XPNPEP1: variants seen among roughly 807,000 people sequenced by gnomAD.
The protein encoded by XPNPEP1 is X-prolyl aminopeptidase 1.
A neutral mutation model predicts 92.4 loss-of-function variants in XPNPEP1; 39 were observed. That is an observed-to-expected ratio of 0.42 (90% CI 0.33 to 0.55). The LOEUF (loss-of-function observed/expected upper bound fraction) is 0.55. XPNPEP1 is among the 20% of genes least tolerant of loss of function. XPNPEP1 has a pLI of 0.08. For synonymous variants in XPNPEP1, 307 were observed against 299.4 expected (o/e 1.03, Z -0.26); for missense variants, 654 against 856.1 (o/e 0.76, Z 2.95).
In XPNPEP1 at chr10:109,890,589, TGTGTGAGAGA is replaced by T. The variant is rs1359241183; in HGVS notation, c.415+1123_415+1132del. Among the ~76,000 whole-genome samples the T allele has an allele frequency of 5.4e-4, 49 of 90,984 alleles. No homozygotes were observed. In the South Asian group the frequency reaches 8.1e-3, roughly 15 times the overall value. 59.7% of individuals were successfully genotyped at this position (90,984 alleles called of 152,430 possible). The stretch of plus-strand genomic sequence containing the variant: ...GTGTGTGTGTGTGTGTGTGTGTGTG[TGTGTGAGAGA>T]GAGAGAGAGAGAGAGAGAGAGAGAG... On this transcript the variant is annotated intron_variant, in intron 5 of 20. Transcript: ENST00000502935.
intron 3 of XPNPEP1, among the ~76,000 whole-genome samples, chr10:109,905,523 G>C (rs1849513756): frequency 6.6e-6 from 1 of 152,082 alleles, no homozygotes; most frequent in Non-Finnish European, 1.5e-5. Flanking sequence ...AAATCTTAGA[G>C]AGAGAAAGTA....
chr10:109,923,089 G>A, intron 1 of XPNPEP1: 1 of 911,016 alleles, frequency 1.1e-6, no homozygotes, highest in Non-Finnish European at 1.3e-6. Flanking sequence ...GGGCCTTCCC[G>A]CGGGCCAGGA....
intron 1 of XPNPEP1, 56 bp downstream of exon 1, chr10:109,923,346 C>T: frequency 1.4e-6 from 2 of 1,394,256 alleles, no homozygotes; most frequent in African/African-American, 1.5e-5. Context: ...CACGCGCGGC[C>T]GCGCAGCGAG....
At chr10:109,886,743 GA>G (rs1416592625) in intron 7 of XPNPEP1, among the ~76,000 whole-genome samples, 9 of 152,228 alleles carry the variant, frequency 5.9e-5, no homozygotes, top group Non-Finnish European at 1.2e-4. Context: ...TGTAAATACT[GA>G]TGCAACAGGG....
intron 2 of XPNPEP1, among the ~76,000 whole-genome samples, chr10:109,908,223 T>A (rs1267027618): frequency 6.6e-6 from 1 of 152,236 alleles, no homozygotes; most frequent in African/African-American, 2.4e-5. Flanking sequence ...TGTGTACTCA[T>A]TAAAAATTAC....
intron 3 of XPNPEP1, among the ~76,000 whole-genome samples, chr10:109,901,834 C>A (rs150180111): frequency 8.7e-4 from 132 of 152,304 alleles, no homozygotes; most frequent in African/African-American, 3.0e-3. Context: ...GAAAATTTCA[C>A]ATTCAAATTG....
At chr10:109,875,646 T>A (rs1189012432) in intron 14 of XPNPEP1, 47 bp from the exon 15 acceptor site, 1 of 1,559,284 alleles carries the variant, frequency 6.4e-7, no homozygotes, top group Admixed American at 1.7e-5. Context: ...TGTAAACACT[T>A]AGTGAATCTG....
chr10:109,923,500 G>C lies in XPNPEP1; in HGVS notation c.-67C>G. ...CCAGCTGATCACCCGCGGAAGGGCCGGCGCGAAGGAGGCGCGAGAGCCGGC... is the reference window on the plus strand; with the variant it reads ...CCAGCTGATCACCCGCGGAAGGGCCCGCGCGAAGGAGGCGCGAGAGCCGGC... On this transcript the variant is annotated 5_prime_UTR_variant, in exon 1 of 21. Coordinates refer to ENST00000502935, the MANE Select transcript of XPNPEP1 (RefSeq NM_020383.4). 1.6e-6 allele frequency: 2 copies of C among 1,272,986 alleles called. No individual in the cohort carries two copies. Among genetic ancestry groups the C allele is most frequent in the Non-Finnish European group, 2.0e-6 (2 of 1,003,554 alleles). 78.9% of individuals were successfully genotyped at this position (1,272,986 alleles called of 1,614,324 possible).
chr10:109,913,207 C>G (rs1849976164), intron 2 of XPNPEP1, among the ~76,000 whole-genome samples: 1 of 152,230 alleles, frequency 6.6e-6, no homozygotes, highest in Non-Finnish European at 1.5e-5. Context: ...CAGCCTTTAT[C>G]ACAAACAAGA....
At position 109,871,705 on chromosome 10, in the gene XPNPEP1, A is replaced by AACG. The variant is rs1473661244; in HGVS notation, c.1522+84_1522+86dup. On this transcript the variant is annotated intron_variant, in intron 17 of 20. Coordinates refer to ENST00000502935, the MANE Select transcript of XPNPEP1 (RefSeq NM_020383.4). ...TGGGATGGGGACCTCACAGTGAAGG[A>AACG]ACGACATGTTCTTTCACTCAAACAT... The AACG allele has an allele frequency of 8.8e-6, 13 of 1,477,656 alleles. No individual in the cohort carries two copies. In the Admixed American group the frequency reaches 1.5e-4, roughly 17 times the overall value. 91.5% of individuals were successfully genotyped at this position (1,477,656 alleles called of 1,614,324 possible).
At chr10:109,874,981 C>A (rs1250282454) in intron 15 of XPNPEP1, among the ~76,000 whole-genome samples, 1 of 152,166 alleles carries the variant, frequency 6.6e-6, no homozygotes, top group Non-Finnish European at 1.5e-5. Context: ...CCTCTTAATG[C>A]AGACAGGGTC....
At chr10:109,871,221 G>C (rs1054512426) in intron 17 of XPNPEP1, among the ~76,000 whole-genome samples, 1 of 152,036 alleles carries the variant, frequency 6.6e-6, no homozygotes, top group Admixed American at 6.6e-5. Flanking sequence ...TTACAAAGAT[G>C]AGACTCTAAC....
At chr10:109,888,337 C>T in intron 6 of XPNPEP1, 145 bp from the exon 7 acceptor site, 2 of 1,306,178 alleles carry the variant, frequency 1.5e-6, no homozygotes, top group South Asian at 1.5e-5. Context: ...ACTGTAAAAG[C>T]ACATCTTCAC....
chr10:109,886,131 T>G, intron 8 of XPNPEP1, 115 bp downstream of exon 8: 1 of 1,013,372 alleles, frequency 9.9e-7, no homozygotes, highest in Non-Finnish European at 1.5e-6. Flanking sequence ...GGTGACGTAG[T>G]CTTCTTCTTA....
intron 2 of XPNPEP1, among the ~76,000 whole-genome samples, chr10:109,912,938 TGACA>T (rs1849959446): frequency 6.6e-6 from 1 of 152,236 alleles, no homozygotes; most frequent in Non-Finnish European, 1.5e-5. Context: ...GAATCTTCAG[TGACA>T]GATAGGCTCT....
At chr10:109,896,530 A>G (rs564623582) in intron 3 of XPNPEP1, among the ~76,000 whole-genome samples, 2 of 147,620 alleles carry the variant, frequency 1.4e-5, no homozygotes, top group South Asian at 2.1e-4. Context: ...TCAGCCTCCC[A>G]AAGTGCTAGG....
At position 109,871,911 on chromosome 10, in the gene XPNPEP1, T is replaced by A. The variant is rs753973262; in HGVS notation, c.1453-50A>T. The A allele has an allele frequency of 3.9e-6, 6 of 1,554,038 alleles. No individual in the cohort carries two copies. The Admixed American group carries it at 9.3e-5, about 24-fold the overall frequency. ...TTGCAGAATGGGGACAGATGTCTAA[T>A]CCTGTAGTTTTCTGGTAGTTCAGAA... On this transcript the variant is annotated intron_variant, in intron 16 of 20. Coordinates refer to ENST00000502935, the MANE Select transcript of XPNPEP1 (RefSeq NM_020383.4).
intron 10 of XPNPEP1, 95 bp downstream of exon 10, chr10:109,882,337 C>G (rs1006766017): frequency 2.1e-6 from 3 of 1,436,740 alleles, no homozygotes; most frequent in African/African-American, 1.4e-5. Context: ...TCTGATCCAA[C>G]AGGCAGCCTC....
intron 3 of XPNPEP1, among the ~76,000 whole-genome samples, chr10:109,902,948 G>T (rs1849363616): frequency 6.6e-6 from 1 of 152,188 alleles, no homozygotes. Context: ...AGAAGGAATT[G>T]CTTCGGGTGT....
Sources: allele counts gnomAD v4.1 joint callset (sites outside exome capture counted in the v4.1 genomes callset), GRCh38; gene constraint gnomAD v4.1.1; transcripts MANE v1.5; gene names NCBI Gene and HGNC (gene_info 2026-07-23, HGNC 2026-07-21).